Variants in NAALADL2 observed in about 807,000 individuals in gnomAD.
The protein encoded by NAALADL2 is N-acetylated alpha-linked acidic dipeptidase like 2, also known as inactive N-acetylated-alpha-linked acidic dipeptidase-like protein 2.
NAALADL2 carries 76 observed loss-of-function variants against 87.2 expected under a neutral mutation model. The ratio of observed to expected loss-of-function variants is 0.87; its 90% CI spans 0.72 to 1.05. NAALADL2 has a LOEUF of 1.05. NAALADL2 is among the 50% of genes least tolerant of loss of function. The probability of loss-of-function intolerance (pLI) is 0.00; values close to 1 mark genes in which losing one functional copy is unlikely to be tolerated. For missense variants in NAALADL2, 1,089 were observed against 945.8 expected (o/e 1.15, Z -1.99); for synonymous variants, 354 against 331.0 (o/e 1.07, Z -0.75).
intron 6 of NAALADL2, among the ~76,000 whole-genome samples, chr3:175,461,841 AAAAC>A (rs1224611513): frequency 1.3e-5 from 2 of 152,130 alleles, no homozygotes; most frequent in African/African-American, 2.4e-5. Flanking sequence ...ACAAACAATC[AAAAC>A]AAACAAACAT....
At chr3:175,415,968 A>G (rs1714565444) in intron 5 of NAALADL2, among the ~76,000 whole-genome samples, 1 of 151,352 alleles carries the variant, frequency 6.6e-6, no homozygotes, top group South Asian at 2.1e-4. Context: ...AAAAAAAAAA[A>G]AAAAATTAGC....
chr3:174,500,329 T>C (rs1454103802), intron 1 of NAALADL2, among the ~76,000 whole-genome samples: 4 of 152,140 alleles, frequency 2.6e-5, no homozygotes, highest in African/African-American at 9.7e-5. Context: ...TGTAAATTCT[T>C]CTGGATTATC....
chr3:175,266,498 A>G (rs1751954182), intron 4 of NAALADL2, among the ~76,000 whole-genome samples: 2 of 151,726 alleles, frequency 1.3e-5, no homozygotes, highest in South Asian at 4.1e-4. Flanking sequence ...TTCAAGATTT[A>G]GTTCTAATTT....
intron 1 of NAALADL2, among the ~76,000 whole-genome samples, chr3:175,011,317 AG>A: frequency 6.7e-6 from 1 of 149,730 alleles, no homozygotes; most frequent in African/African-American, 2.5e-5. Flanking sequence ...AGAGAGAGAG[AG>A]AGACTAATTC....
At chr3:175,169,015 A>T (rs756726110) in intron 2 of NAALADL2, among the ~76,000 whole-genome samples, 1 of 151,846 alleles carries the variant, frequency 6.6e-6, no homozygotes, top group Non-Finnish European at 1.5e-5. Context: ...CATCCAGATT[A>T]ATTTCACTGT....
Position 175,540,150 on chromosome 3 carries a change from G to C in NAALADL2, c.1654-35891G>C, listed in dbSNP as rs181699132. Among the ~76,000 whole-genome samples the C allele has an allele frequency of 2.1e-4, 32 of 152,310 alleles. No homozygotes were observed. The East Asian group carries it at 5.2e-3, about 25-fold the overall frequency. On this transcript the variant is annotated intron_variant, in intron 9 of 13. Transcript: ENST00000454872. ...AGATGAAACAAACAGATGATGTAAT[G>C]TCAGTTGATAATAAGTGCTGTGAAG...
intron 2 of NAALADL2, among the ~76,000 whole-genome samples, chr3:174,641,242 C>T (rs941503816): frequency 3.6e-4 from 55 of 152,242 alleles, no homozygotes; most frequent in African/African-American, 1.1e-3. Context: ...GGGAGGACCG[C>T]GGGCCTCGGT....
intron 3 of NAALADL2, among the ~76,000 whole-genome samples, chr3:174,815,852 T>A (rs1388730078): frequency 1.4e-5 from 2 of 144,568 alleles, no homozygotes; most frequent in South Asian, 2.1e-4. Flanking sequence ...TTTTTTTTTT[T>A]TTTTTAAGTT....
chr3:175,118,414 A>C (rs1032872355), intron 2 of NAALADL2, among the ~76,000 whole-genome samples: 2 of 151,608 alleles, frequency 1.3e-5, no homozygotes, highest in African/African-American at 4.8e-5. Flanking sequence ...AAAATAATTA[A>C]ATAAAGCATA....
chr3:174,778,260 A>G (rs1049714038), intron 3 of NAALADL2, among the ~76,000 whole-genome samples: 1 of 152,078 alleles, frequency 6.6e-6, no homozygotes, highest in African/African-American at 2.4e-5. Flanking sequence ...AGCTTGGTCA[A>G]GATAAAACTT....
intron 11 of NAALADL2, among the ~76,000 whole-genome samples, chr3:175,701,553 T>C (rs966783317): frequency 6.6e-6 from 1 of 152,114 alleles, no homozygotes; most frequent in Non-Finnish European, 1.5e-5. Context: ...ATTATCGCAC[T>C]TGTGGGCACA....
intron 10 of NAALADL2, among the ~76,000 whole-genome samples, chr3:175,589,887 C>T (rs1721129271): frequency 1.3e-5 from 2 of 151,578 alleles, no homozygotes; most frequent in Admixed American, 6.6e-5. Flanking sequence ...TTAAAGTCAG[C>T]TTGCCAAAAA....
At position 175,429,449 on chromosome 3, in the gene NAALADL2, C is replaced by T. The variant is rs1031569848; in HGVS notation, c.1091-17780C>T. On this transcript the variant is annotated intron_variant, in intron 5 of 13. Transcript: ENST00000454872. ...ACTGTTTCTTAATTCAAGGCCTTTACATATGTAGTTTCCTTTGCTTAGAAG... is the reference window on the plus strand; with the variant it reads ...ACTGTTTCTTAATTCAAGGCCTTTATATATGTAGTTTCCTTTGCTTAGAAG... Among the ~76,000 whole-genome samples, 44 of 152,078 alleles carry T rather than the reference C, an allele frequency of 2.9e-4. 4 individuals carry two copies. The highest frequency in any genetic ancestry group is 1.5e-3 in the Admixed American group (23 of 15,216).
chr3:174,738,424 A>G (rs554034628), intron 3 of NAALADL2, among the ~76,000 whole-genome samples: 1 of 152,330 alleles, frequency 6.6e-6, no homozygotes, highest in African/African-American at 2.4e-5. Flanking sequence ...TTTCAAATGT[A>G]AGGAGTTAGA....
intron 1 of NAALADL2, among the ~76,000 whole-genome samples, chr3:175,081,518 T>C (rs774017475): frequency 9.2e-5 from 14 of 152,182 alleles, no homozygotes; most frequent in Non-Finnish European, 1.9e-4. Flanking sequence ...TGGAATGACA[T>C]ATGAAGACCC....
At chr3:175,173,795 C>G (rs910699077) in intron 2 of NAALADL2, among the ~76,000 whole-genome samples, 2 of 152,196 alleles carry the variant, frequency 1.3e-5, no homozygotes, top group Admixed American at 6.5e-5. Flanking sequence ...CTTCCATGCT[C>G]TCAGCATAGT....
At chr3:174,803,609 C>A (rs182240825) in intron 3 of NAALADL2, among the ~76,000 whole-genome samples, 136 of 152,208 alleles carry the variant, frequency 8.9e-4, no homozygotes, top group Non-Finnish European at 1.5e-3. Context: ...TTAGGTCTTA[C>A]ATTTAAGTCT....
chr3:175,731,440 C>G (rs1299540094), intron 11 of NAALADL2, among the ~76,000 whole-genome samples: 1 of 152,088 alleles, frequency 6.6e-6, no homozygotes, highest in East Asian at 1.9e-4. Flanking sequence ...AATATTAATT[C>G]CCCATCTACC....
In NAALADL2 at chr3:174,927,656, C is replaced by G. The variant is rs539941432; in HGVS notation, c.43+68206C>G. ...GCAGAAATAAAGATGTTCTTTGAAA[C>G]CAATGAGAACAAAGACACAACATAC... On this transcript the variant is annotated intron_variant, in intron 1 of 13. Transcript: ENST00000454872. Among the ~76,000 whole-genome samples, 4 of 152,214 alleles carry G rather than the reference C, an allele frequency of 2.6e-5. No individual in the cohort carries two copies. In the South Asian group the frequency reaches 6.2e-4, roughly 24 times the overall value.
Sources: allele counts gnomAD v4.1 joint callset (sites outside exome capture counted in the v4.1 genomes callset), GRCh38; gene constraint gnomAD v4.1.1; transcripts MANE v1.5; gene names NCBI Gene and HGNC (gene_info 2026-07-23, HGNC 2026-07-21).